The following EVA1C variants were observed in gnomAD, a reference collection of about 807,000 sequenced individuals.
EVA1C encodes protein eva-1 homolog C.
Under a neutral mutation model 45.4 loss-of-function variants are expected in EVA1C, and 25 were observed. The ratio of observed to expected loss-of-function variants is 0.55; its 90% CI spans 0.40 to 0.77. The LOEUF (loss-of-function observed/expected upper bound fraction) is 0.77, where lower values mean the gene tolerates loss of function less well. Ranked by LOEUF, EVA1C falls within the 30% of genes least tolerant of loss-of-function variation. The pLI is 0.00. For missense variants in EVA1C, 479 were observed against 554.8 expected (o/e 0.86, Z 1.37); for synonymous variants, 190 against 221.2 (o/e 0.86, Z 1.25).
Position 32,515,119 on chromosome 21 carries a change from A to G in EVA1C, c.1255A>G (p.Ile419Val). ...LAERIERREQIIQEIWMNSGL... is the reference protein window; with the variant it reads ...LAERIERREQVIQEIWMNSGL... ...AGAAAGGATTGAGCGCAGGGAGCAA[A>G]TCATTCAGGAAATATGGATGAACAG... is the stretch of plus-strand genomic sequence containing the variant. The change falls in exon 8 of 8, where the codon ATC becomes GTC. Residue 419 changes from isoleucine to valine, a missense_variant. By Grantham distance (29) the Ile-to-Val change is conservative (BLOSUM62 3). Coordinates refer to ENST00000300255, the MANE Select transcript of EVA1C (RefSeq NM_058187.5). 3 of 1,613,952 alleles carry G rather than the reference A, an allele frequency of 1.9e-6. No individual in the cohort carries two copies. Among genetic ancestry groups the G allele is most frequent in the Non-Finnish European group, 2.5e-6 (3 of 1,179,814 alleles).
intron 1 of EVA1C, among the ~76,000 whole-genome samples, chr21:32,420,513 G>A (rs1166822228): frequency 1.3e-5 from 2 of 152,168 alleles, no homozygotes; most frequent in African/African-American, 4.8e-5. Context: ...GCACTCCCTA[G>A]TAGTTGGGAC....
intron 2 of EVA1C, among the ~76,000 whole-genome samples, chr21:32,453,935 A>G (rs931646770): frequency 1.3e-5 from 2 of 152,174 alleles, no homozygotes; most frequent in African/African-American, 4.8e-5. Context: ...ACTTTTTAGA[A>G]AATGTACTCA....
At chr21:32,454,508 G>T (rs1010659635) in intron 2 of EVA1C, among the ~76,000 whole-genome samples, 1 of 152,034 alleles carries the variant, frequency 6.6e-6, no homozygotes, top group African/African-American at 2.4e-5. Context: ...ACTGTGCATG[G>T]CTTTCAATCA....
At position 32,512,202 on chromosome 21, in the gene EVA1C, C is replaced by G. The variant is rs150918266; in HGVS notation, c.950-2612C>G. Reference sequence around the variant, plus strand: ...TTAGACACAGGTGTGGTCAAGGCCTCGCTCCTATACGGGTGTGCATTCATA... The same window carrying G: ...TTAGACACAGGTGTGGTCAAGGCCTGGCTCCTATACGGGTGTGCATTCATA... On this transcript the variant is annotated intron_variant, in intron 7 of 7. Transcript: ENST00000300255. Among the ~76,000 whole-genome samples, 192 of 152,126 alleles carry G rather than the reference C, an allele frequency of 1.3e-3. 1 individual carries two copies. Among genetic ancestry groups the G allele is most frequent in the Non-Finnish European group, 2.6e-3 (174 of 68,020 alleles).
intron 4 of EVA1C, among the ~76,000 whole-genome samples, chr21:32,472,057 G>A (rs953726322): frequency 6.6e-6 from 1 of 152,312 alleles, no homozygotes; most frequent in Admixed American, 6.5e-5. Flanking sequence ...AATTCAGTTG[G>A]CCAAGCAGGT....
chr21:32,451,252 C>A (rs1233488451), intron 1 of EVA1C, among the ~76,000 whole-genome samples: 1 of 152,188 alleles, frequency 6.6e-6, no homozygotes, highest in African/African-American at 2.4e-5. Flanking sequence ...AAGCTGCCCT[C>A]CTTCACGCCA....
chr21:32,488,664 C>T (rs979114021), intron 4 of EVA1C, among the ~76,000 whole-genome samples: 2 of 151,732 alleles, frequency 1.3e-5, no homozygotes, highest in African/African-American at 2.4e-5. Context: ...CAGCTCACTG[C>T]AACCTCCGCC....
intron 1 of EVA1C, among the ~76,000 whole-genome samples, chr21:32,417,974 C>T (rs535931252): frequency 6.6e-6 from 1 of 152,242 alleles, no homozygotes; most frequent in Admixed American, 6.5e-5. Context: ...GGAGGGTGAC[C>T]TTCTGCCCAT....
rs369844719 is a variant in EVA1C, at chr21:32,412,933, C to T, written c.80C>T (p.Pro27Leu). 1 of 1,535,384 alleles carries T rather than the reference C, an allele frequency of 6.5e-7. No individual in the cohort carries two copies. Among genetic ancestry groups the T allele is most frequent in the Non-Finnish European group, 8.7e-7 (1 of 1,143,140 alleles). Residue 27 changes from proline (P) to leucine (L), a missense_variant, in exon 1 of 8, where the codon CCG (proline) becomes CTG (leucine). This residue lies in a region of EVA1C where 80 missense variants were observed against 63.8 expected (regional missense o/e 1.25). Transcript: ENST00000300255. The part of the protein sequence containing the change: ...QHPGLRRQVE[P>L]PGQLLRLFYC... ...CCCGGCCTCCGCCGGCAGGTAGAGC[C>T]GCCGGGGCAGCTCCTGCGCCTCTTC...
chr21:32,506,135 A>C (rs1601061344), intron 7 of EVA1C, among the ~76,000 whole-genome samples: 1 of 151,186 alleles, frequency 6.6e-6, no homozygotes, highest in Non-Finnish European at 1.5e-5. Flanking sequence ...TGTGATTGTC[A>C]TTCCCAGAAA....
intron 1 of EVA1C, among the ~76,000 whole-genome samples, chr21:32,422,063 A>G (rs949302767): frequency 1.5e-4 from 23 of 149,512 alleles, no homozygotes; most frequent in African/African-American, 5.2e-4. Context: ...AAAAAAAAAA[A>G]GAGGGAATCT....
chr21:32,456,574 C>A (rs1482981712), intron 2 of EVA1C, among the ~76,000 whole-genome samples: 1 of 152,184 alleles, frequency 6.6e-6, no homozygotes, highest in Non-Finnish European at 1.5e-5. Flanking sequence ...CCTGGCGGGG[C>A]CAGCATTCTT....
At chr21:32,498,821 C>T (rs9983592) in intron 5 of EVA1C, among the ~76,000 whole-genome samples, 4,801 of 152,132 alleles carry the variant, frequency 0.032, 186 homozygotes, top group African/African-American at 0.089. Flanking sequence ...GAAGAGTGGT[C>T]CCTAGTGTTT....
intron 4 of EVA1C, among the ~76,000 whole-genome samples, chr21:32,471,256 G>A (rs1313582918): frequency 2.0e-5 from 3 of 151,782 alleles, no homozygotes; most frequent in Non-Finnish European, 2.9e-5. Flanking sequence ...AACAGGGATT[G>A]TGCAAGGCAT....
chr21:32,512,745 T>C (rs2037997456), intron 7 of EVA1C, among the ~76,000 whole-genome samples: 1 of 152,138 alleles, frequency 6.6e-6, no homozygotes, highest in Non-Finnish European at 1.5e-5. Flanking sequence ...TCACTGGCAG[T>C]GGGGCTCAAA....
At chr21:32,426,279 G>T (rs566739432) in intron 1 of EVA1C, among the ~76,000 whole-genome samples, 3 of 152,182 alleles carry the variant, frequency 2.0e-5, no homozygotes, top group Non-Finnish European at 4.4e-5. Context: ...CAGACTTGAA[G>T]TCACTTGCTC....
chr21:32,440,144 A>T (rs557065405), intron 1 of EVA1C, among the ~76,000 whole-genome samples: 105 of 152,144 alleles, frequency 6.9e-4, no homozygotes, highest in Non-Finnish European at 1.4e-3. Context: ...CTTTTGTTGT[A>T]TGTGAGGGCA....
At chr21:32,466,311 T>C (rs11909401) in intron 3 of EVA1C, among the ~76,000 whole-genome samples, 60,244 of 150,900 alleles carry the variant, frequency 0.4, 12,609 homozygotes, top group East Asian at 0.52. Flanking sequence ...CCCAGCTACT[T>C]GGGAGGCTGA....
At chr21:32,436,908 C>T (rs2034976683) in intron 1 of EVA1C, among the ~76,000 whole-genome samples, 1 of 152,102 alleles carries the variant, frequency 6.6e-6, no homozygotes, top group African/African-American at 2.4e-5. Flanking sequence ...GCCTGTAATC[C>T]CAGCATTTTG....
Sources: allele counts gnomAD v4.1 joint callset (sites outside exome capture counted in the v4.1 genomes callset), GRCh38; gene constraint gnomAD v4.1.1; regional missense constraint gnomAD v4.1.1; transcripts MANE v1.5; gene names NCBI Gene and HGNC (gene_info 2026-07-23, HGNC 2026-07-21).